The following IBSP variants were observed in gnomAD, a reference collection of about 807,000 sequenced individuals.
IBSP encodes the protein integrin binding sialoprotein.
In IBSP, 19 loss-of-function variants were observed where a neutral mutation model predicts 25.5. That is an observed-to-expected ratio of 0.74 (90% CI 0.52 to 1.09). The LOEUF is 1.09. Among genes scored for constraint, IBSP ranks in the 50% least tolerant of loss-of-function variants. The pLI, the probability that IBSP is intolerant of heterozygous loss-of-function variation, is 0.00. For synonymous variants in IBSP, 144 were observed against 137.6 expected (o/e 1.05, Z -0.33); for missense variants, 360 against 382.3 (o/e 0.94, Z 0.49).
intron 4 of IBSP, among the ~76,000 whole-genome samples, chr4:87,803,740 A>G (rs1361451054): frequency 6.6e-6 from 1 of 152,220 alleles, no homozygotes; most frequent in Admixed American, 6.5e-5. Flanking sequence ...TTGTGTGGCC[A>G]CAAAAATATG....
chr4:87,801,668 T>A (rs1171823600), intron 1 of IBSP, among the ~76,000 whole-genome samples: 1 of 152,184 alleles, frequency 6.6e-6, no homozygotes, highest in East Asian at 1.9e-4. Flanking sequence ...TTTTGTTTTA[T>A]TTTTGAGACA....
rs775084182 is a variant in IBSP at position 87,811,442 on chromosome 4, C to T, written c.486C>T (p.Asn162=). 1.9e-6 allele frequency: 3 copies of T among 1,612,566 alleles called. No individual in the cohort carries two copies. Among genetic ancestry groups the T allele is most frequent in the African/African-American group, 2.7e-5 (2 of 74,682 alleles). ...AGGAGGAAGAGGAAGGAAATGAAAACGAAGAAAGCGAAGCAGAAGTGGATG... is the reference window on the plus strand; with the variant it reads ...AGGAGGAAGAGGAAGGAAATGAAAATGAAGAAAGCGAAGCAGAAGTGGATG... ...EEEEEEEGNE[N]EESEAEVDEN... Residue 162 remains asparagine (N), a synonymous_variant, in exon 7 of 7, where the codon AAC becomes AAT. Coordinates refer to ENST00000226284, the MANE Select transcript of IBSP (RefSeq NM_004967.4).
chr4:87,810,570 T>A (rs753415376), intron 5 of IBSP, 36 bp from the exon 6 acceptor site: 1 of 1,477,484 alleles, frequency 6.8e-7, no homozygotes, highest in Non-Finnish European at 9.5e-7. Flanking sequence ...ATCTTCCAGG[T>A]AAAATAATTT....
chr4:87,812,006 T>C lies in IBSP; in HGVS notation c.*96T>C, dbSNP rs1020127630. 9.4e-6 allele frequency: 9 copies of C among 954,432 alleles called. No homozygotes were observed. In the Admixed American group the frequency reaches 2.2e-4, roughly 23 times the overall value. The allele number at this position is 954,432 out of a possible 1,614,324, so 59.1% of individuals were successfully genotyped here. A position where few individuals can be genotyped will look rare whatever the true frequency, so the allele number is the denominator to read the frequency against. On this transcript the variant is annotated 3_prime_UTR_variant, in exon 7 of 7. Coordinates refer to ENST00000226284, the MANE Select transcript of IBSP (RefSeq NM_004967.4). ...GAAGGTGCAATATAACAAATGTGCATATTATAATGAGGAATGGTACTACCG... is the reference window on the plus strand; with the variant it reads ...GAAGGTGCAATATAACAAATGTGCACATTATAATGAGGAATGGTACTACCG...
In IBSP at chr4:87,802,638, T is replaced by C; in HGVS notation, c.106-16T>C. On this transcript the variant is annotated splice_polypyrimidine_tract_variant and intron_variant, in intron 3 of 6. Coordinates refer to ENST00000226284, the MANE Select transcript of IBSP (RefSeq NM_004967.4). The stretch of plus-strand genomic sequence containing the variant: ...GCATATTAAACATGAATATATCATT[T>C]ATTTTGTTTTTGCAGGTCTTTAAGT... The C allele has an allele frequency of 1.3e-6, 2 of 1,568,940 alleles. No individual in the cohort carries two copies. Among genetic ancestry groups the C allele is most frequent in the South Asian group, 2.4e-5 (2 of 82,980 alleles).
At position 87,811,671 on chromosome 4, in the gene IBSP, A is replaced by G; in HGVS notation, c.715A>G (p.Thr239Ala). The G allele has an allele frequency of 6.2e-7, 1 of 1,613,878 alleles. No individual in the cohort carries two copies. The highest frequency in any genetic ancestry group is 1.1e-5 in the South Asian group (1 of 91,048). ...TCCAAATGGTGGGTTTGAACCTACA[A>G]CCCCACCACAAGTCTATAGAACCAC... ...TSPNGGFEPT[T>A]PPQVYRTTSP... The change falls in exon 7 of 7, where the codon ACC (threonine) becomes GCC (alanine). Residue 239 changes from threonine (T) to alanine (A), a missense_variant. Physicochemically the swap from Thr to Ala is moderately conservative, Grantham distance 58. Transcript: ENST00000226284.
At position 87,810,845 on chromosome 4, in the gene IBSP, A is replaced by C. The variant is rs368683199; in HGVS notation, c.405+81A>C. On this transcript the variant is annotated intron_variant, in intron 6 of 6. Transcript: ENST00000226284. Reference sequence around the variant, plus strand: ...ATGTTCAATCTTTTTTAAACTTTTTAACTGGAGTCTAAGGGTATCCTAACA... The same window carrying C: ...ATGTTCAATCTTTTTTAAACTTTTTCACTGGAGTCTAAGGGTATCCTAACA... 172 of 1,279,784 alleles carry C rather than the reference A, an allele frequency of 1.3e-4. No homozygotes were observed. In the African/African-American group the frequency reaches 2.2e-3, roughly 17 times the overall value. 79.3% of individuals were successfully genotyped at this position (1,279,784 alleles called of 1,614,324 possible). A position where few individuals can be genotyped will look rare whatever the true frequency, so the allele number is the denominator to read the frequency against.
In IBSP at chr4:87,812,314, C is replaced by A. The variant is rs1019433701; in HGVS notation, c.*404C>A. ...ACTGTATACAATAAATGTGTAGTTT[C>A]TTAATCGCACTACCTATGCAACACT... On this transcript the variant is annotated 3_prime_UTR_variant, in exon 7 of 7. Transcript: ENST00000226284. 1.8e-5 allele frequency: 3 copies of A among 162,214 alleles called. No homozygotes were observed. The highest frequency in any genetic ancestry group is 4.0e-5 in the Non-Finnish European group (3 of 75,326). The allele number at this position is 162,214 out of a possible 1,614,324, so 10.0% of individuals were successfully genotyped here. A position where few individuals can be genotyped will look rare whatever the true frequency, so the allele number is the denominator to read the frequency against.
rs1163573609 is a variant in IBSP at position 87,811,913 on chromosome 4, C to T, written c.*3C>T. ...AGAATTACTACCACCACCAGTGAAGCTCCAGCCTGGGATGAATTCATCCAT... is the reference window on the plus strand; with the variant it reads ...AGAATTACTACCACCACCAGTGAAGTTCCAGCCTGGGATGAATTCATCCAT... On this transcript the variant is annotated 3_prime_UTR_variant, in exon 7 of 7. Transcript: ENST00000226284. The T allele has an allele frequency of 6.6e-7, 1 of 1,514,378 alleles. No homozygotes were observed. The highest frequency in any genetic ancestry group is 1.4e-5 in the African/African-American group (1 of 71,740). The allele number at this position is 1,514,378 out of a possible 1,614,324, so 93.8% of individuals were successfully genotyped here.
chr4:87,802,740 A>G lies in IBSP; in HGVS notation c.183+9A>G. The G allele has an allele frequency of 6.7e-7, 1 of 1,488,548 alleles. No individual in the cohort carries two copies. The highest frequency in any genetic ancestry group is 8.9e-7 in the Non-Finnish European group (1 of 1,117,530). The allele number at this position is 1,488,548 out of a possible 1,614,324, so 92.2% of individuals were successfully genotyped here. ...AACGATTTCCAGTTCAGGTAAATATAGAAATTCATTTTTCTTCAGTTTAAT... is the reference window on the plus strand; with the variant it reads ...AACGATTTCCAGTTCAGGTAAATATGGAAATTCATTTTTCTTCAGTTTAAT... On this transcript the variant is annotated intron_variant, in intron 4 of 6. Coordinates refer to ENST00000226284, the MANE Select transcript of IBSP (RefSeq NM_004967.4).
chr4:87,810,516 TA>T, intron 5 of IBSP, 89 bp from the exon 6 acceptor site: 1 of 1,066,898 alleles, frequency 9.4e-7, no homozygotes, highest in Non-Finnish European at 1.4e-6. Flanking sequence ...TTCCAAATAA[TA>T]AACCTTCAAT....
In IBSP at chr4:87,811,363, C is replaced by G; in HGVS notation, c.407C>G (p.Ala136Gly). ...GTTCTTTCAAACGTTTCCTTACAGGCTGGGGATATAACAAATAAAGCTACA... is the reference window on the plus strand; with the variant it reads ...GTTCTTTCAAACGTTTCCTTACAGGGTGGGGATATAACAAATAAAGCTACA... ...GLAAIQLPKK[A>G]GDITNKATKE... is the part of the protein sequence containing the mutation. Residue 136 changes from alanine to glycine, a missense_variant and splice_region_variant, in exon 7 of 7, where the codon GCT (alanine) becomes GGT (glycine). Coordinates refer to ENST00000226284, the MANE Select transcript of IBSP (RefSeq NM_004967.4). 6.2e-7 allele frequency: 1 copy of G among 1,602,036 alleles called. No individual in the cohort carries two copies. Among genetic ancestry groups the G allele is most frequent in the Non-Finnish European group, 8.5e-7 (1 of 1,175,916 alleles).
intron 3 of IBSP, 22 bp downstream of exon 3, chr4:87,802,580 C>A: frequency 6.3e-7 from 1 of 1,591,910 alleles, no homozygotes; most frequent in Non-Finnish European, 8.5e-7. Flanking sequence ...TAGCATACTT[C>A]CTTGGCCTGA....
At chr4:87,807,411 CG>C (rs2110057479) in intron 5 of IBSP, among the ~76,000 whole-genome samples, 1 of 147,862 alleles carries the variant, frequency 6.8e-6, no homozygotes, top group East Asian at 1.9e-4. Flanking sequence ...TAACATTTCC[CG>C]TATCATAATT....
Position 87,811,370 on chromosome 4 carries a change from T to C in IBSP, c.414T>C (p.Asp138=). Residue 138 remains aspartate, a synonymous_variant, in exon 7 of 7, where the codon GAT becomes GAC. Coordinates refer to ENST00000226284, the MANE Select transcript of IBSP (RefSeq NM_004967.4). ...CAAACGTTTCCTTACAGGCTGGGGATATAACAAATAAAGCTACAAAAGAGA... is the reference window on the plus strand; with the variant it reads ...CAAACGTTTCCTTACAGGCTGGGGACATAACAAATAAAGCTACAAAAGAGA... ...AAIQLPKKAG[D]ITNKATKEKE... is the part of the protein sequence containing the mutation. 6.2e-7 allele frequency: 1 copy of C among 1,607,654 alleles called. No homozygotes were observed. Among genetic ancestry groups the C allele is most frequent in the Non-Finnish European group, 8.5e-7 (1 of 1,177,968 alleles).
intron 4 of IBSP, among the ~76,000 whole-genome samples, 165 bp downstream of exon 4, chr4:87,802,896 T>C (rs1722040860): frequency 6.6e-6 from 1 of 152,194 alleles, no homozygotes; most frequent in African/African-American, 2.4e-5. Flanking sequence ...TATTTCTAAG[T>C]TCTCTTTTAA....
chr4:87,811,380 A>G lies in IBSP; in HGVS notation c.424A>G (p.Lys142Glu), dbSNP rs755023666. 6.2e-7 allele frequency: 1 copy of G among 1,609,844 alleles called. No homozygotes were observed. Among genetic ancestry groups the G allele is most frequent in the South Asian group, 1.1e-5 (1 of 90,418 alleles). ...LPKKAGDITNKATKEKESDEE... is the reference protein window; with the variant it reads ...LPKKAGDITNEATKEKESDEE... ...CTTACAGGCTGGGGATATAACAAAT[A>G]AAGCTACAAAAGAGAAGGAAAGTGA... The change falls in exon 7 of 7, where the codon AAA (lysine) becomes GAA (glutamate). Residue 142 changes from lysine to glutamate, a missense_variant. Physicochemically the swap from Lys to Glu is moderately conservative, Grantham distance 56. Coordinates refer to ENST00000226284, the MANE Select transcript of IBSP (RefSeq NM_004967.4).
intron 4 of IBSP, among the ~76,000 whole-genome samples, chr4:87,805,310 T>C (rs2110056874): frequency 6.6e-6 from 1 of 152,338 alleles, no homozygotes; most frequent in East Asian, 1.9e-4. Flanking sequence ...TTTCAAAAAG[T>C]AGCAAAACTC....
At chr4:87,807,670 G>A (rs762004171) in intron 5 of IBSP, among the ~76,000 whole-genome samples, 17 of 152,308 alleles carry the variant, frequency 1.1e-4, no homozygotes, top group African/African-American at 4.1e-4. Flanking sequence ...TGTTGTGGTG[G>A]TTGAGGACTG....
Sources: allele counts gnomAD v4.1 joint callset (sites outside exome capture counted in the v4.1 genomes callset), GRCh38; gene constraint gnomAD v4.1.1; transcripts MANE v1.5; gene names NCBI Gene and HGNC (gene_info 2026-07-23, HGNC 2026-07-21).